PDE9A: variants seen among roughly 807,000 people sequenced by gnomAD.
PDE9A encodes high affinity cGMP-specific 3',5'-cyclic phosphodiesterase 9A.
In PDE9A, 60 loss-of-function variants were observed where a neutral mutation model predicts 87.4. The observed-to-expected ratio is 0.69, with a 90% confidence interval of 0.56 to 0.85. PDE9A has a LOEUF of 0.85. Ranked by LOEUF, PDE9A falls within the 40% of genes least tolerant of loss-of-function variation. The pLI is 0.00. For missense variants in PDE9A, 665 were observed against 779.0 expected (o/e 0.85, Z 1.74); for synonymous variants, 272 against 279.4 (o/e 0.97, Z 0.27).
chr21:42,708,325 C>T (rs1043511721), intron 4 of PDE9A, among the ~76,000 whole-genome samples: 14 of 152,140 alleles, frequency 9.2e-5, no homozygotes, highest in Admixed American at 2.6e-4. Flanking sequence ...AACAGTAATA[C>T]GGAAGCCTGC....
Position 42,653,840 on chromosome 21 carries a change from G to T in PDE9A, c.26G>T (p.Arg9Leu), listed in dbSNP as rs867737219. ...ATGGGATCCGGCTCCTCCAGCTACC[G>T]GCCCAAGGCCATCTACCTGGACATC... MGSGSSSY[R>L]PKAIYLDIDG... is the part of the protein sequence containing the mutation. The change falls in exon 1 of 20, where the codon CGG becomes CTG. Residue 9 changes from arginine to leucine, a missense_variant. By Grantham distance (102) the Arg-to-Leu change is moderately radical. Transcript: ENST00000291539. The T allele has an allele frequency of 1.3e-6, 2 of 1,561,838 alleles. No individual in the cohort carries two copies. The highest frequency in any genetic ancestry group is 8.7e-7 in the Non-Finnish European group (1 of 1,154,260).
chr21:42,702,451 G>A lies in PDE9A; in HGVS notation c.262+3440G>A, dbSNP rs568879176. On this transcript the variant is annotated intron_variant, in intron 4 of 19. Coordinates refer to ENST00000291539, the MANE Select transcript of PDE9A (RefSeq NM_002606.3). This position sits in a 1 kb window ranked among gnomAD's most constrained non-coding sequence, Gnocchi z 4.9. ...TGGTTTCCTCCTCTCTGCCATATCC[G>A]AGTCTGTCTCTGTTGATTGATTTAT... Among the ~76,000 whole-genome samples the A allele has an allele frequency of 2.4e-4, 36 of 151,954 alleles. No homozygotes were observed. The highest frequency in any genetic ancestry group is 3.4e-3 in the Middle Eastern group (1 of 294).
intron 15 of PDE9A, among the ~76,000 whole-genome samples, chr21:42,765,942 G>A (rs2056356061): frequency 6.6e-6 from 1 of 152,160 alleles, no homozygotes; most frequent in African/African-American, 2.4e-5. Context: ...ACCAGGACAA[G>A]GTGGCCAGAG....
Position 42,702,824 on chromosome 21 carries a change from A to G in PDE9A, c.262+3813A>G, listed in dbSNP as rs994100375. ...GTTTGGAGATGAGAATGAAAGCGCC[A>G]GGGCCTTGAAGGTCGTTGCAAGGAT... On this transcript the variant is annotated intron_variant, in intron 4 of 19. Coordinates refer to ENST00000291539, the MANE Select transcript of PDE9A (RefSeq NM_002606.3). The surrounding 1 kb of genome is among the most constrained non-coding windows in gnomAD (Gnocchi z 4.9). Among the ~76,000 whole-genome samples the G allele has an allele frequency of 3.3e-5, 5 of 152,266 alleles. No individual in the cohort carries two copies. In the South Asian group the frequency reaches 1.0e-3, roughly 32 times the overall value.
At chr21:42,709,550 A>AC (rs1439893147) in intron 4 of PDE9A, among the ~76,000 whole-genome samples, 1 of 152,146 alleles carries the variant, frequency 6.6e-6, no homozygotes, top group Non-Finnish European at 1.5e-5. Context: ...ATGTCCCCGT[A>AC]CCCCCTTCAA....
chr21:42,702,902 G>T lies in PDE9A; in HGVS notation c.262+3891G>T, dbSNP rs2146360041. 6.6e-6 allele frequency among the ~76,000 whole-genome samples: 1 copy of T among 152,362 alleles called. No individual in the cohort carries two copies. Among genetic ancestry groups the T allele is most frequent in the African/African-American group, 2.4e-5 (1 of 41,582 alleles). On this transcript the variant is annotated intron_variant, in intron 4 of 19. Coordinates refer to ENST00000291539, the MANE Select transcript of PDE9A (RefSeq NM_002606.3). This position sits in a 1 kb window ranked among gnomAD's most constrained non-coding sequence, Gnocchi z 4.9. ...CAGCTATTAGAAGGCTTTCAGGAGA[G>T]GAGTGACATCATCACATTTGTGTTT...
At chr21:42,738,241 C>G (rs922014789) in intron 7 of PDE9A, among the ~76,000 whole-genome samples, 28 of 152,242 alleles carry the variant, frequency 1.8e-4, no homozygotes, top group South Asian at 2.1e-4. Flanking sequence ...ACAGGCCATA[C>G]AAACAGCCCA....
chr21:42,762,306 C>T (rs1465619777), intron 14 of PDE9A, 67 bp downstream of exon 14: 1 of 1,522,456 alleles, frequency 6.6e-7, no homozygotes, highest in Non-Finnish European at 9.0e-7. Flanking sequence ...CCCCCACTCT[C>T]CATTGGCTGG....
Position 42,675,251 on chromosome 21 carries a change from C to T in PDE9A, c.70-10941C>T, listed in dbSNP as rs2058786420. 6.6e-6 allele frequency among the ~76,000 whole-genome samples: 1 copy of T among 152,204 alleles called. No homozygotes were observed. The highest frequency in any genetic ancestry group is 1.5e-5 in the Non-Finnish European group (1 of 68,038). On this transcript the variant is annotated intron_variant, in intron 1 of 19. Transcript: ENST00000291539. This position sits in a 1 kb window ranked among gnomAD's most constrained non-coding sequence, Gnocchi z 4.3. ...TGATTTTAATGCCTCTATAAAGTTC[C>T]ATCATGGAGGCTCACTAAAATGTAA...
At chr21:42,758,332 A>G (rs549471999) in intron 10 of PDE9A, 1 of 152,364 alleles carries the variant, frequency 6.6e-6, no homozygotes, top group East Asian at 1.9e-4. Flanking sequence ...GAACAGGGAT[A>G]TTGATAGAAG....
rs1329374404 is a variant in PDE9A at position 42,696,244 on chromosome 21, G to T, written c.219-2724G>T. 2.0e-5 allele frequency among the ~76,000 whole-genome samples: 3 copies of T among 152,152 alleles called. No individual in the cohort carries two copies. The highest frequency in any genetic ancestry group is 2.9e-5 in the Non-Finnish European group (2 of 68,022). On this transcript the variant is annotated intron_variant, in intron 3 of 19. Transcript: ENST00000291539. The surrounding 1 kb of genome is among the most constrained non-coding windows in gnomAD (Gnocchi z 5.1). ...CTTCCTCTGAGTCTCTTGCGTGGGA[G>T]AAGTTGCTGGACACGCCTCTCTGGC...
chr21:42,760,444 C>T lies in PDE9A; in HGVS notation c.1002+12C>T, dbSNP rs752628653. 8 of 1,451,166 alleles carry T rather than the reference C, an allele frequency of 5.5e-6. No individual in the cohort carries two copies. Among genetic ancestry groups the T allele is most frequent in the Non-Finnish European group, 7.7e-6 (8 of 1,040,266 alleles). 89.9% of individuals were successfully genotyped at this position (1,451,166 alleles called of 1,614,324 possible). ...TCTGCAGTCTCCAGGTGGGTCCTGC[C>T]CGCTGCACACCCAGACCTCTACTCT... On this transcript the variant is annotated intron_variant, in intron 12 of 19. Transcript: ENST00000291539. This position sits in a 1 kb window ranked among gnomAD's most constrained non-coding sequence, Gnocchi z 5.2.
At chr21:42,683,561 C>A (rs1378663919) in intron 1 of PDE9A, among the ~76,000 whole-genome samples, 1 of 152,160 alleles carries the variant, frequency 6.6e-6, no homozygotes, top group Admixed American at 6.5e-5. Context: ...GCCTCCGGGG[C>A]CGCCTGGGCT....
intron 1 of PDE9A, among the ~76,000 whole-genome samples, chr21:42,672,920 C>T (rs1480414538): frequency 6.6e-6 from 1 of 152,108 alleles, no homozygotes; most frequent in Non-Finnish European, 1.5e-5. Context: ...ATTGAAACAC[C>T]CAGAAATGCT....
intron 4 of PDE9A, among the ~76,000 whole-genome samples, chr21:42,712,032 T>C (rs1027167609): frequency 6.6e-6 from 1 of 151,780 alleles, no homozygotes; most frequent in Non-Finnish European, 1.5e-5. Context: ...GGTTCTTTTC[T>C]TTTCCCTACA....
chr21:42,697,076 C>T (rs529550067), intron 3 of PDE9A, among the ~76,000 whole-genome samples: 1 of 152,094 alleles, frequency 6.6e-6, no homozygotes, highest in East Asian at 1.9e-4. Flanking sequence ...GGTGTGGGCT[C>T]ACTTCTTGAC....
rs559932521 is a variant in PDE9A, at chr21:42,768,083, G to C, written c.1357-105G>C. Reference sequence around the variant, plus strand: ...CAAGCTCAGTTGCATGGTCCAGCAGGTCCTCCGTCTCTTCCTGCCTGTAAT... The same window carrying C: ...CAAGCTCAGTTGCATGGTCCAGCAGCTCCTCCGTCTCTTCCTGCCTGTAAT... On this transcript the variant is annotated intron_variant, in intron 15 of 19. Coordinates refer to ENST00000291539, the MANE Select transcript of PDE9A (RefSeq NM_002606.3). 12 of 730,054 alleles carry C rather than the reference G, an allele frequency of 1.6e-5. No homozygotes were observed. In the African/African-American group the frequency reaches 1.7e-4, roughly 10 times the overall value. The allele number at this position is 730,054 out of a possible 1,614,324, so 45.2% of individuals were successfully genotyped here.
chr21:42,653,736 G>GCCCCCCCC lies in PDE9A; in HGVS notation c.-78_-77insCCCCCCCC. The GCCCCCCCC allele has an allele frequency of 8.1e-6, 3 of 369,120 alleles. No individual in the cohort carries two copies. Among genetic ancestry groups the GCCCCCCCC allele is most frequent in the East Asian group, 1.8e-4 (1 of 5,580 alleles). 22.9% of individuals were successfully genotyped at this position (369,120 alleles called of 1,614,324 possible). A position where few individuals can be genotyped will look rare whatever the true frequency, so the allele number is the denominator to read the frequency against. The stretch of plus-strand genomic sequence containing the variant: ...CCGCCCCCCGCCCGCCCCCTCCCCT[G>GCCCCCCCC]CTCCCCTCCCCCGCCTCCCGCGGCG... On this transcript the variant is annotated 5_prime_UTR_variant, in exon 1 of 20. Coordinates refer to ENST00000291539, the MANE Select transcript of PDE9A (RefSeq NM_002606.3).
intron 4 of PDE9A, among the ~76,000 whole-genome samples, chr21:42,721,000 C>T (rs546638822): frequency 1.1e-3 from 159 of 150,932 alleles, no homozygotes; most frequent in Middle Eastern, 3.4e-3. Context: ...AGCGAAACTC[C>T]GTCTCAAAAA....
Sources: allele counts gnomAD v4.1 joint callset (sites outside exome capture counted in the v4.1 genomes callset), GRCh38; gene constraint gnomAD v4.1.1; non-coding constraint Gnocchi (gnomAD v3.1); transcripts MANE v1.5; gene names NCBI Gene and HGNC (gene_info 2026-07-23, HGNC 2026-07-21).